Variants in HRK observed in about 807,000 individuals in gnomAD.
HRK encodes activator of apoptosis harakiri.
In HRK, 6 loss-of-function variants were observed where a neutral mutation model predicts 5.9. That is an observed-to-expected ratio of 1.02 (90% CI 0.56 to 2.01). HRK has a LOEUF of 2.01. Among genes scored for constraint, HRK ranks in the 30% most tolerant of loss-of-function variants. HRK has a pLI of 0.00. For missense variants in HRK, 133 were observed against 128.3 expected (o/e 1.04, Z -0.18); for synonymous variants, 85 against 65.1 (o/e 1.31, Z -1.47).
rs970508157 is a variant in HRK at position 116,881,314 on chromosome 12, T to C, written c.-7A>G. 15 of 1,062,876 alleles carry C rather than the reference T, an allele frequency of 1.4e-5. No homozygotes were observed. The East Asian group carries it at 1.1e-3, about 75-fold the overall frequency. 65.8% of individuals were successfully genotyped at this position (1,062,876 alleles called of 1,614,324 possible). ...GCAGGGGGCACGGGCACATGACCGC[T>C]GGCCTCGCTCCCGCCCCGCGCTCGG... On this transcript the variant is annotated 5_prime_UTR_variant, in exon 1 of 2. Coordinates refer to ENST00000257572, the MANE Select transcript of HRK (RefSeq NM_003806.4).
At chr12:116,867,171 C>T (rs1246889306) in intron 1 of HRK, among the ~76,000 whole-genome samples, 2 of 146,306 alleles carry the variant, frequency 1.4e-5, no homozygotes, top group African/African-American at 2.5e-5. Flanking sequence ...GATGGAGTTT[C>T]GCAATTATTG....
chr12:116,857,249 G>A lies in HRK; in HGVS notation c.*4274C>T, dbSNP rs1878184241. On this transcript the variant is annotated 3_prime_UTR_variant, in exon 2 of 2. Transcript: ENST00000257572. ...CTTCTGAGATGGAATTCTACAACTG[G>A]CACATTGTAGATGCTCAATCAATAT... 6.6e-6 allele frequency: 1 copy of A among 152,170 alleles called. No homozygotes were observed. The highest frequency in any genetic ancestry group is 2.4e-5 in the African/African-American group (1 of 41,426). 9.4% of individuals were successfully genotyped at this position (152,170 alleles called of 1,614,324 possible). A position where few individuals can be genotyped will look rare whatever the true frequency, so the allele number is the denominator to read the frequency against.
At chr12:116,874,001 A>G (rs900835417) in intron 1 of HRK, among the ~76,000 whole-genome samples, 1 of 152,190 alleles carries the variant, frequency 6.6e-6, no homozygotes, top group Non-Finnish European at 1.5e-5. Flanking sequence ...TGGAAACCCA[A>G]TCGATGTCCA....
At position 116,879,024 on chromosome 12, in the gene HRK, C is replaced by T. The variant is rs942489407; in HGVS notation, c.*56+1952G>A. The T allele has an allele frequency of 1.3e-5, 2 of 152,400 alleles. No individual in the cohort carries two copies. Among genetic ancestry groups the T allele is most frequent in the Non-Finnish European group, 2.9e-5 (2 of 68,210 alleles). The allele number at this position is 152,400 out of a possible 1,614,324, so 9.4% of individuals were successfully genotyped here. A position where few individuals can be genotyped will look rare whatever the true frequency, so the allele number is the denominator to read the frequency against. ...AGCGGCGCAATCTGCCCGCCCCGCC[C>T]GCAGCCTCCCCTTCCAGGCCCCGGG... is the stretch of plus-strand genomic sequence containing the variant. On this transcript the variant is annotated intron_variant, in intron 1 of 1. Coordinates refer to ENST00000257572, the MANE Select transcript of HRK (RefSeq NM_003806.4). The surrounding 1 kb of genome is among the most constrained non-coding windows in gnomAD (Gnocchi z 5.6).
rs1878173085 is a variant in HRK, at chr12:116,856,936, T to G, written c.*4587A>C. 6.6e-6 allele frequency: 1 copy of G among 152,286 alleles called. No individual in the cohort carries two copies. The highest frequency in any genetic ancestry group is 2.4e-5 in the African/African-American group (1 of 41,468). 9.4% of individuals were successfully genotyped at this position (152,286 alleles called of 1,614,324 possible). A position where few individuals can be genotyped will look rare whatever the true frequency, so the allele number is the denominator to read the frequency against. On this transcript the variant is annotated 3_prime_UTR_variant, in exon 2 of 2. Transcript: ENST00000257572. This position sits in a 1 kb window ranked among gnomAD's most constrained non-coding sequence, Gnocchi z 4.4. The stretch of plus-strand genomic sequence containing the variant: ...AAGACGGGTAAAGCACTTCGCCCAG[T>G]GCTTGGGAGTGGCGAGCACGCCATA...
At chr12:116,865,234 C>G (rs114334174) in intron 1 of HRK, among the ~76,000 whole-genome samples, 68 of 152,206 alleles carry the variant, frequency 4.5e-4, no homozygotes, top group African/African-American at 1.4e-3. Flanking sequence ...CTAAGAGGCC[C>G]CAATTTTTAA....
chr12:116,867,058 A>C (rs1878573225), intron 1 of HRK, among the ~76,000 whole-genome samples: 2 of 151,856 alleles, frequency 1.3e-5, no homozygotes, highest in Non-Finnish European at 2.9e-5. Flanking sequence ...GGGAGGCCAA[A>C]ATGGGAGGAT....
At chr12:116,874,512 T>C (rs1878866537) in intron 1 of HRK, among the ~76,000 whole-genome samples, 2 of 152,134 alleles carry the variant, frequency 1.3e-5, no homozygotes, top group African/African-American at 4.8e-5. Flanking sequence ...ATTATCTCTG[T>C]GTTAGATTGC....
rs1214280013 is a variant in HRK, at chr12:116,862,634, T to C, written c.*57-1168A>G. On this transcript the variant is annotated intron_variant, in intron 1 of 1. Transcript: ENST00000257572. The surrounding 1 kb of genome is among the most constrained non-coding windows in gnomAD (Gnocchi z 4.0). ...CAGGGAAACGAAAATTTTCCAAAGT[T>C]GACTGTGAAGATGGCTGCAAAATTC... 1.3e-5 allele frequency among the ~76,000 whole-genome samples: 2 copies of C among 152,182 alleles called. No homozygotes were observed. Among genetic ancestry groups the C allele is most frequent in the African/African-American group, 2.4e-5 (1 of 41,454 alleles).
intron 1 of HRK, among the ~76,000 whole-genome samples, chr12:116,877,348 CCCGGCCTGCACTGGA>C (rs1380661763): frequency 6.6e-6 from 1 of 152,108 alleles, no homozygotes. Context: ...GAACCACTGG[CCCGGCCTGCACTGGA>C]CACTTTAAAT....
chr12:116,878,990 C>T lies in HRK; in HGVS notation c.*56+1986G>A, dbSNP rs1244066836. The stretch of plus-strand genomic sequence containing the variant: ...AGTTACCCAACTCCTCCCCTGCGCT[C>T]CGGCGCAGAGCGGCGCAATCTGCCC... On this transcript the variant is annotated intron_variant, in intron 1 of 1. Coordinates refer to ENST00000257572, the MANE Select transcript of HRK (RefSeq NM_003806.4). The surrounding 1 kb of genome is among the most constrained non-coding windows in gnomAD (Gnocchi z 4.4). 6.6e-6 allele frequency: 1 copy of T among 152,478 alleles called. No homozygotes were observed. Among genetic ancestry groups the T allele is most frequent in the Non-Finnish European group, 1.5e-5 (1 of 68,274 alleles). The allele number at this position is 152,478 out of a possible 1,614,324, so 9.4% of individuals were successfully genotyped here.
chr12:116,870,015 G>A (rs933947802), intron 1 of HRK, among the ~76,000 whole-genome samples: 4 of 152,172 alleles, frequency 2.6e-5, no homozygotes, highest in Admixed American at 1.3e-4. Flanking sequence ...GGGAGGCAGA[G>A]GTTGCAGTGA....
chr12:116,872,974 G>C (rs1169710246), intron 1 of HRK, among the ~76,000 whole-genome samples: 2 of 151,876 alleles, frequency 1.3e-5, no homozygotes, highest in Non-Finnish European at 2.9e-5. Context: ...ATCACTAAAG[G>C]GTCAAATCTA....
chr12:116,865,105 G>A (rs111951967), intron 1 of HRK, among the ~76,000 whole-genome samples: 1,910 of 152,272 alleles, frequency 0.013, 31 homozygotes, highest in African/African-American at 0.044. Context: ...ATGTTGTGCC[G>A]CTTTGGGTAT....
chr12:116,881,044 C>T lies in HRK; in HGVS notation c.264G>A (p.Arg88=). The T allele has an allele frequency of 7.4e-7, 1 of 1,356,972 alleles. No homozygotes were observed. Among genetic ancestry groups the T allele is most frequent in the Non-Finnish European group, 9.5e-7 (1 of 1,054,582 alleles). 84.1% of individuals were successfully genotyped at this position (1,356,972 alleles called of 1,614,324 possible). The change falls in exon 1 of 2, where the codon AGG becomes AGA. Residue 88 remains arginine, a synonymous_variant. Coordinates refer to ENST00000257572, the MANE Select transcript of HRK (RefSeq NM_003806.4). ...VAALAAWLLG[R]RNL is the part of the protein sequence containing the mutation. ...AAGCCCCGCGTTCCTACAAGTTCCG[C>T]CTGCCGAGCAGCCAGGCCGCCAGCG...
chr12:116,876,137 A>G (rs1167918015), intron 1 of HRK, among the ~76,000 whole-genome samples: 1 of 152,126 alleles, frequency 6.6e-6, no homozygotes, highest in Non-Finnish European at 1.5e-5. Context: ...GCTCTTTTCC[A>G]TCCACAGCTC....
intron 1 of HRK, among the ~76,000 whole-genome samples, chr12:116,870,967 G>A (rs1262488079): frequency 6.6e-6 from 1 of 152,238 alleles, no homozygotes; most frequent in Non-Finnish European, 1.5e-5. Flanking sequence ...CGCTCAAGCT[G>A]GAGTGCAATG....
At chr12:116,863,058 G>T (rs954647260) in intron 1 of HRK, among the ~76,000 whole-genome samples, 3 of 152,178 alleles carry the variant, frequency 2.0e-5, no homozygotes, top group African/African-American at 7.2e-5. Context: ...AGATAAGGTG[G>T]CTATAAGTTA....
rs554758071 is a variant in HRK at position 116,865,891 on chromosome 12, C to T, written c.*57-4425G>A. On this transcript the variant is annotated intron_variant, in intron 1 of 1. Coordinates refer to ENST00000257572, the MANE Select transcript of HRK (RefSeq NM_003806.4). ...AAAGATGACAGGCTGGGTGTGGTGG[C>T]TCACGCCTGTAATCCCAGCAATTTG... 2.0e-5 allele frequency among the ~76,000 whole-genome samples: 3 copies of T among 152,280 alleles called. No individual in the cohort carries two copies. The East Asian group carries it at 5.8e-4, about 29-fold the overall frequency.
Sources: allele counts gnomAD v4.1 joint callset (sites outside exome capture counted in the v4.1 genomes callset), GRCh38; gene constraint gnomAD v4.1.1; non-coding constraint Gnocchi (gnomAD v3.1); transcripts MANE v1.5; gene names NCBI Gene and HGNC (gene_info 2026-07-23, HGNC 2026-07-21).